Variants in MAP2K5 observed in about 807,000 individuals in gnomAD.
MAP2K5 encodes the protein dual specificity mitogen-activated protein kinase kinase 5.
In MAP2K5, 49 loss-of-function variants were observed where a neutral mutation model predicts 83.1. The ratio of observed to expected loss-of-function variants is 0.59; its 90% confidence interval spans 0.47 to 0.75. MAP2K5 has a LOEUF of 0.75. MAP2K5 is among the 30% of genes least tolerant of loss of function. The pLI, the probability that MAP2K5 is intolerant of heterozygous loss-of-function variation, is 0.00. For missense variants in MAP2K5, 457 were observed against 557.5 expected (o/e 0.82, Z 1.82); for synonymous variants, 202 against 191.8 (o/e 1.05, Z -0.44).
chr15:67,787,102 G>T, intron 21 of MAP2K5, among the ~76,000 whole-genome samples: 1 of 151,918 alleles, frequency 6.6e-6, no homozygotes, highest in East Asian at 1.9e-4. Flanking sequence ...TGGTTCTTAA[G>T]CAGGGAAGTG....
chr15:67,597,703 A>AT (rs1383818296), intron 7 of MAP2K5, among the ~76,000 whole-genome samples: 2 of 152,066 alleles, frequency 1.3e-5, no homozygotes, highest in East Asian at 1.9e-4. Context: ...CCCTTTAATG[A>AT]TTTTTTCATA....
intron 3 of MAP2K5, among the ~76,000 whole-genome samples, chr15:67,567,310 G>A (rs1225331894): frequency 6.6e-6 from 1 of 151,488 alleles, no homozygotes; most frequent in Non-Finnish European, 1.5e-5. Flanking sequence ...CTGGGATCAC[G>A]GCTTTTCCTC....
chr15:67,660,281 A>AT (rs2087203518), intron 12 of MAP2K5, among the ~76,000 whole-genome samples: 1 of 143,696 alleles, frequency 7.0e-6, no homozygotes, highest in Non-Finnish European at 1.5e-5. Context: ...TCCAAAATGT[A>AT]GTGTTTTTTT....
At chr15:67,756,458 T>C (rs1401090601) in intron 19 of MAP2K5, among the ~76,000 whole-genome samples, 1 of 151,920 alleles carries the variant, frequency 6.6e-6, no homozygotes, top group Non-Finnish European at 1.5e-5. Context: ...GATAAACATA[T>C]ACATTGTGAA....
intron 16 of MAP2K5, among the ~76,000 whole-genome samples, chr15:67,716,477 G>A (rs1038823897): frequency 6.6e-6 from 1 of 152,206 alleles, no homozygotes; most frequent in Non-Finnish European, 1.5e-5. Context: ...AAAATTCTGA[G>A]TCTATGATAA....
intron 6 of MAP2K5, among the ~76,000 whole-genome samples, chr15:67,590,446 C>CCTCTCTCTCTCTCTCTCTCTCTCTCT (rs57701485): frequency 6.5e-5 from 2 of 30,544 alleles, no homozygotes; most frequent in Non-Finnish European, 1.3e-4. Context: ...TCCCTCCCTC[C>CCTCTCTCTCTCTCTCTCTCTCTCTCT]CTCTCTCTCT....
rs562335240 is a variant in MAP2K5, at chr15:67,764,882, C to T, written c.1135-4720C>T. On this transcript the variant is annotated intron_variant, in intron 19 of 21. Coordinates refer to ENST00000178640, the MANE Select transcript of MAP2K5 (RefSeq NM_145160.3). This position sits in a 1 kb window ranked among gnomAD's most constrained non-coding sequence, Gnocchi z 4.9. Reference sequence around the variant, plus strand: ...ATGCCAGCCTTCTCCCTTATACAAGCAGAGTTCTGCTAAGAATCTAGGCCT... The same window carrying T: ...ATGCCAGCCTTCTCCCTTATACAAGTAGAGTTCTGCTAAGAATCTAGGCCT... Among the ~76,000 whole-genome samples the T allele has an allele frequency of 1.7e-4, 26 of 152,318 alleles. No homozygotes were observed. Among genetic ancestry groups the T allele is most frequent in the Non-Finnish European group, 2.5e-4 (17 of 68,028 alleles).
At chr15:67,772,444 C>A (rs1596948899) in intron 20 of MAP2K5, among the ~76,000 whole-genome samples, 1 of 145,768 alleles carries the variant, frequency 6.9e-6, no homozygotes, top group African/African-American at 2.6e-5. Flanking sequence ...TAAATTCATT[C>A]TTTATTTGTG....
chr15:67,599,137 A>G (rs1426253301), intron 7 of MAP2K5, among the ~76,000 whole-genome samples: 2 of 152,210 alleles, frequency 1.3e-5, no homozygotes, highest in East Asian at 1.9e-4. Flanking sequence ...GTCCAGAATA[A>G]TGAGATTTTA....
At chr15:67,645,120 C>T (rs1444886377) in intron 9 of MAP2K5, among the ~76,000 whole-genome samples, 2 of 152,048 alleles carry the variant, frequency 1.3e-5, no homozygotes, top group South Asian at 2.1e-4. Flanking sequence ...TGCAGTAAGC[C>T]GAGATCATGC....
chr15:67,543,394 G>GC lies in MAP2K5; in HGVS notation c.60dup (p.Ile21HisfsTer6). On this transcript the variant is annotated frameshift_variant, in exon 1 of 22. Transcript: ENST00000178640. LOFTEE classifies it high-confidence loss of function. The surrounding 1 kb of genome is among the most constrained non-coding windows in gnomAD (Gnocchi z 4.3). ...ATGGAGAACCAGGTGCTGGTAATTC[G>GC]CATCAAGATCCCAAATAGTGGCGCG... 1.2e-6 allele frequency: 2 copies of GC among 1,614,082 alleles called. No homozygotes were observed. Among genetic ancestry groups the GC allele is most frequent in the Non-Finnish European group, 1.7e-6 (2 of 1,180,004 alleles).
chr15:67,602,896 C>T (rs2085692786), intron 8 of MAP2K5, among the ~76,000 whole-genome samples: 1 of 152,198 alleles, frequency 6.6e-6, no homozygotes, highest in African/African-American at 2.4e-5. Context: ...TCGTGATTCA[C>T]CTGCCTTGGC....
At chr15:67,694,933 A>C (rs1174680969) in intron 15 of MAP2K5, among the ~76,000 whole-genome samples, 5 of 152,196 alleles carry the variant, frequency 3.3e-5, no homozygotes, top group Non-Finnish European at 7.3e-5. Flanking sequence ...GCAGCCATAC[A>C]AAATGATGAG....
At chr15:67,694,335 A>T (rs1471576102) in intron 15 of MAP2K5, among the ~76,000 whole-genome samples, 1 of 152,182 alleles carries the variant, frequency 6.6e-6, no homozygotes, top group African/African-American at 2.4e-5. Flanking sequence ...ATTTTTTATA[A>T]TGAAAGCTCT....
chr15:67,773,327 C>A (rs537330883), intron 21 of MAP2K5, among the ~76,000 whole-genome samples: 2 of 152,240 alleles, frequency 1.3e-5, no homozygotes, highest in African/African-American at 4.8e-5. Flanking sequence ...CCTAACAATT[C>A]CCAAATGGTC....
rs2090729624 is a variant in MAP2K5, at chr15:67,802,751, T to A, written c.1243-3895T>A. ...AGATGCTCTTGACAAGCATCTGTATTGGTGCCTGGGTTCCAGGGAGCTGCA... is the reference window on the plus strand; with the variant it reads ...AGATGCTCTTGACAAGCATCTGTATAGGTGCCTGGGTTCCAGGGAGCTGCA... On this transcript the variant is annotated intron_variant, in intron 21 of 21. Coordinates refer to ENST00000178640, the MANE Select transcript of MAP2K5 (RefSeq NM_145160.3). This position sits in a 1 kb window ranked among gnomAD's most constrained non-coding sequence, Gnocchi z 5.0. 6.6e-6 allele frequency among the ~76,000 whole-genome samples: 1 copy of A among 152,236 alleles called. No homozygotes were observed. The highest frequency in any genetic ancestry group is 2.4e-5 in the African/African-American group (1 of 41,454).
At chr15:67,597,159 A>T (rs1596621536) in intron 7 of MAP2K5, among the ~76,000 whole-genome samples, 1 of 149,452 alleles carries the variant, frequency 6.7e-6, no homozygotes, top group African/African-American at 2.5e-5. Context: ...ACAGTGTGAG[A>T]TCTGTCTCAA....
rs2089562426 is a variant in MAP2K5, at chr15:67,744,534, A to T, written c.1075-3697A>T. 2.0e-5 allele frequency among the ~76,000 whole-genome samples: 3 copies of T among 152,254 alleles called. No individual in the cohort carries two copies. In the South Asian group the frequency reaches 6.2e-4, roughly 32 times the overall value. ...AAGCCATAATTTCAGAGAGTAAAAGAGAAAATGAAAGCTATAGCTGGTGTC... is the reference window on the plus strand; with the variant it reads ...AAGCCATAATTTCAGAGAGTAAAAGTGAAAATGAAAGCTATAGCTGGTGTC... On this transcript the variant is annotated intron_variant, in intron 17 of 21. Transcript: ENST00000178640.
chr15:67,674,038 A>G (rs1433801018), intron 13 of MAP2K5, among the ~76,000 whole-genome samples: 1 of 152,034 alleles, frequency 6.6e-6, no homozygotes, highest in Non-Finnish European at 1.5e-5. Flanking sequence ...TAGTAGAGAC[A>G]GGGTTTCACC....
Sources: gnomAD v4.1 joint callset for allele counts (sites outside exome capture counted in the v4.1 genomes callset) on GRCh38, gnomAD v4.1.1 for gene constraint, Gnocchi (gnomAD v3.1) non-coding constraint, MANE v1.5 for transcripts, NCBI Gene and HGNC (gene_info 2026-07-23, HGNC 2026-07-21) for gene names.